The following ANKRD42 variants were observed in gnomAD, a reference collection of about 807,000 sequenced individuals.
The protein encoded by ANKRD42 is ankyrin repeat domain 42, also known as ankyrin repeat domain-containing protein 42.
Under a neutral mutation model 51.5 loss-of-function variants are expected in ANKRD42, and 43 were observed. The observed-to-expected ratio is 0.83, with a 90% CI of 0.65 to 1.08. The LOEUF (loss-of-function observed/expected upper bound fraction) is 1.08, where lower values mean the gene tolerates loss of function less well. Among genes scored for constraint, ANKRD42 ranks in the 50% least tolerant of loss-of-function variants. The pLI, the probability that ANKRD42 is intolerant of heterozygous loss-of-function variation, is 0.00. For synonymous variants in ANKRD42, 203 were observed against 213.0 expected (o/e 0.95, Z 0.41); for missense variants, 608 against 629.3 (o/e 0.97, Z 0.36).
intron 5 of ANKRD42, among the ~76,000 whole-genome samples, chr11:83,219,335 C>T (rs771299723): frequency 7.2e-5 from 11 of 152,226 alleles, no homozygotes; most frequent in Non-Finnish European, 1.6e-4. Context: ...TGTGGTTCTT[C>T]TGCCAATGCG....
intron 4 of ANKRD42, among the ~76,000 whole-genome samples, chr11:83,211,061 T>TTA (rs1254301837): frequency 6.6e-6 from 1 of 152,232 alleles, no homozygotes; most frequent in Non-Finnish European, 1.5e-5. Flanking sequence ...GATGACTAGT[T>TTA]AAGTTCGTTT....
intron 9 of ANKRD42, among the ~76,000 whole-genome samples, chr11:83,244,102 C>T (rs1863474314): frequency 6.6e-6 from 1 of 151,064 alleles, no homozygotes; most frequent in Admixed American, 6.6e-5. Flanking sequence ...CTGCCTCAGC[C>T]TCCCGAGTAG....
chr11:83,199,068 T>G (rs1343869051), intron 2 of ANKRD42, among the ~76,000 whole-genome samples: 1 of 152,218 alleles, frequency 6.6e-6, no homozygotes, highest in Non-Finnish European at 1.5e-5. Context: ...TGAGCTAGTT[T>G]CTACTTCCTC....
rs554456686 is a variant in ANKRD42, at chr11:83,222,383, A to T, written c.587-2472A>T. ...AAATAAAAGACAAAGTCCTGCCTAC[A>T]TGTGGTGCTGAGGGGAGAGACAGGT... On this transcript the variant is annotated intron_variant, in intron 5 of 10. Transcript: ENST00000533342. Among the ~76,000 whole-genome samples, 4 of 152,296 alleles carry T rather than the reference A, an allele frequency of 2.6e-5. No individual in the cohort carries two copies. In the South Asian group the frequency reaches 8.3e-4, roughly 32 times the overall value.
At chr11:83,259,449 C>A (rs1285544390), downstream of ANKRD42, 2 of 152,092 alleles carry the variant, frequency 1.3e-5, no homozygotes, top group Non-Finnish European at 2.9e-5. Flanking sequence ...TTGCTAAACC[C>A]CTACAATGAG....
intron 8 of ANKRD42, among the ~76,000 whole-genome samples, chr11:83,238,187 C>T (rs1027679724): frequency 2.0e-5 from 3 of 152,002 alleles, no homozygotes; most frequent in Non-Finnish European, 2.9e-5. Context: ...TTCCATAATT[C>T]GATTATCCAC....
intron 10 of ANKRD42, among the ~76,000 whole-genome samples, chr11:83,246,933 G>GT (rs1312550354): frequency 3.9e-5 from 6 of 152,142 alleles, no homozygotes; most frequent in Middle Eastern, 3.4e-3. Flanking sequence ...TCTTTTTTCT[G>GT]TTTTTTTCCC....
At position 83,210,408 on chromosome 11, in the gene ANKRD42, C is replaced by T. The variant is rs565543063; in HGVS notation, c.439C>T (p.Arg147Ter). The T allele has an allele frequency of 3.6e-5, 58 of 1,613,782 alleles. No homozygotes were observed. The East Asian group carries it at 8.0e-4, about 22-fold the overall frequency. ...TTCTTTCACTTTACAAATAATGCTC[C>T]GAAGTGGAGTGGTGAGTGACTCCTG... ...GHSFTLQIML[R>*]SGVDPSVTDK... The change falls in exon 4 of 11, where the codon CGA (arginine) becomes TGA (stop). Residue 147 changes from arginine to a stop codon, truncating the protein, a stop_gained. Coordinates refer to ENST00000533342, the MANE Select transcript of ANKRD42 (RefSeq NM_001300975.2). LOFTEE classifies it high-confidence loss of function.
chr11:83,258,623 T>TATG (rs1332231110), downstream of ANKRD42, among the ~76,000 whole-genome samples: 2 of 152,192 alleles, frequency 1.3e-5, no homozygotes, highest in Non-Finnish European at 2.9e-5. Context: ...TGAGCACATA[T>TATG]ATGTTATTTA....
chr11:83,211,361 G>A lies in ANKRD42; in HGVS notation c.517G>A (p.Gly173Ser). 6.2e-7 allele frequency: 1 copy of A among 1,614,192 alleles called. No individual in the cohort carries two copies. Among genetic ancestry groups the A allele is most frequent in the Admixed American group, 1.7e-5 (1 of 60,024 alleles). The change falls in exon 5 of 11, where the codon GGC (glycine) becomes AGC (serine). Residue 173 changes from glycine (G) to serine (S), a missense_variant. Coordinates refer to ENST00000533342, the MANE Select transcript of ANKRD42 (RefSeq NM_001300975.2). ...VHYAAFHGRL[G>S]CLQLLVKWGC... is the part of the protein sequence containing the mutation. Reference sequence around the variant, plus strand: ...TTATGCAGCTTTTCATGGGCGGCTTGGCTGCTTGCAACTTCTTGTTAAATG... The same window carrying A: ...TTATGCAGCTTTTCATGGGCGGCTTAGCTGCTTGCAACTTCTTGTTAAATG...
intron 5 of ANKRD42, among the ~76,000 whole-genome samples, chr11:83,219,101 T>C (rs2135518755): frequency 6.6e-6 from 1 of 152,258 alleles, no homozygotes; most frequent in South Asian, 2.1e-4. Context: ...TCATCCGGAA[T>C]TTTAAACAGA....
rs1590950922 is a variant in ANKRD42 at position 83,193,761 on chromosome 11, A to C, written c.-910A>C. On this transcript the variant is annotated 5_prime_UTR_variant, in exon 1 of 11. Coordinates refer to ENST00000533342, the MANE Select transcript of ANKRD42 (RefSeq NM_001300975.2). ...GCTGCCTCTCCAGCCAAGTGGCTGG[A>C]GTCGGGAGGCTGGAAAGAGACTCCG... 2.3e-6 allele frequency: 1 copy of C among 439,234 alleles called. No homozygotes were observed. Among genetic ancestry groups the C allele is most frequent in the Non-Finnish European group, 4.6e-6 (1 of 219,242 alleles). 27.2% of individuals were successfully genotyped at this position (439,234 alleles called of 1,614,324 possible). A position where few individuals can be genotyped will look rare whatever the true frequency, so the allele number is the denominator to read the frequency against.
exon 12 of ANKRD42, chr11:83,256,004 C>A: frequency 9.3e-7 from 1 of 1,075,144 alleles, no homozygotes; most frequent in South Asian, 1.6e-5. Flanking sequence ...AAATGTGAGT[C>A]TATACAAACT....
In ANKRD42 at chr11:83,216,703, T is replaced by G. The variant is rs112496976; in HGVS notation, c.586+5273T>G. ...GTTTGTCTGGGAAAGGCTTTCTGTC[T>G]TCTTTATTTATGTTTTGGTGTAAGG... On this transcript the variant is annotated intron_variant, in intron 5 of 10. Coordinates refer to ENST00000533342, the MANE Select transcript of ANKRD42 (RefSeq NM_001300975.2). Among the ~76,000 whole-genome samples the G allele has an allele frequency of 6.6e-3, 1,004 of 152,340 alleles. 9 individuals carry two copies. Among genetic ancestry groups the G allele is most frequent in the African/African-American group, 0.023 (944 of 41,588 alleles).
At chr11:83,257,162 A>T (rs1451815289), downstream of ANKRD42, 1 of 347,192 alleles carries the variant, frequency 2.9e-6, no homozygotes, top group Non-Finnish European at 5.6e-6. Flanking sequence ...AATCAAATGC[A>T]CTCTTGTCAG....
chr11:83,197,785 C>T (rs1861715997), intron 1 of ANKRD42, among the ~76,000 whole-genome samples: 1 of 152,130 alleles, frequency 6.6e-6, no homozygotes, highest in South Asian at 2.1e-4. Flanking sequence ...AAATCGTGGC[C>T]TGCCATTCCT....
chr11:83,222,455 GT>G (rs1301335318), intron 5 of ANKRD42, among the ~76,000 whole-genome samples: 1 of 152,144 alleles, frequency 6.6e-6, no homozygotes, highest in East Asian at 1.9e-4. Context: ...AGGGATATGT[GT>G]TTAGATAAAT....
chr11:83,244,106 C>T (rs566510178), intron 9 of ANKRD42, among the ~76,000 whole-genome samples: 6 of 150,640 alleles, frequency 4.0e-5, no homozygotes, highest in African/African-American at 9.8e-5. Flanking sequence ...CTCAGCCTCC[C>T]GAGTAGCTGG....
intron 3 of ANKRD42, among the ~76,000 whole-genome samples, chr11:83,208,993 C>T (rs954576592): frequency 6.6e-6 from 1 of 152,088 alleles, no homozygotes; most frequent in Non-Finnish European, 1.5e-5. Flanking sequence ...TGGTATAACC[C>T]ATATATAGAA....
Sources: gnomAD v4.1 joint callset for allele counts (sites outside exome capture counted in the v4.1 genomes callset) on GRCh38, gnomAD v4.1.1 for gene constraint, MANE v1.5 for transcripts, NCBI Gene and HGNC (gene_info 2026-07-23, HGNC 2026-07-21) for gene names.